STAT3: variants seen among roughly 807,000 people sequenced by gnomAD.
The protein encoded by STAT3 is DNA-binding protein APRF.
STAT3 carries 7 observed loss-of-function variants against 114.3 expected under a neutral mutation model. The ratio of observed to expected loss-of-function variants is 0.06; its 90% CI spans 0.03 to 0.11. The LOEUF (loss-of-function observed/expected upper bound fraction) is 0.11. Among genes scored for constraint, STAT3 ranks in the 10% least tolerant of loss-of-function variants. STAT3 has a pLI of 1.00. For missense variants in STAT3, 364 were observed against 960.9 expected, an observed-to-expected ratio of 0.38 and a Z score of 8.21; for synonymous variants, 331 against 354.5, an observed-to-expected ratio of 0.93 and a Z score of 0.74.
chr17:42,333,954 A>G lies in STAT3; in HGVS notation c.893T>C (p.Ile298Thr). ...QQKVSYKGDP[I>T]VQHRPMLEER... ...CTCCAGCATCGGCCGGTGCTGTACA[A>G]TGGGGTCCCCTTTGTAGGAAACTTT... The change falls in exon 9 of 24, where the codon ATT becomes ACT. Residue 298 changes from isoleucine (I) to threonine (T), a missense_variant. Ile to Thr is a moderately conservative substitution (Grantham distance 89). This residue lies in a region of STAT3 where 294 missense variants were observed against 745.1 expected (regional missense o/e 0.39). Transcript: ENST00000264657. This position sits in a 1 kb window ranked among gnomAD's most constrained non-coding sequence, Gnocchi z 5.2. 1 of 1,614,124 alleles carries G rather than the reference A, an allele frequency of 6.2e-7. No individual in the cohort carries two copies. Among genetic ancestry groups the G allele is most frequent in the Non-Finnish European group, 8.5e-7 (1 of 1,180,010 alleles).
chr17:42,381,086 A>G (rs1213200069), intron 1 of STAT3, among the ~76,000 whole-genome samples: 1 of 152,182 alleles, frequency 6.6e-6, no homozygotes, highest in Non-Finnish European at 1.5e-5. Flanking sequence ...AAGTGAAAAC[A>G]ACAGGCCCAA....
intron 17 of STAT3, 22 bp from the exon 18 acceptor site, chr17:42,323,647 A>C (rs1475486191): frequency 6.2e-7 from 1 of 1,613,052 alleles, no homozygotes; most frequent in East Asian, 2.2e-5. Flanking sequence ...AAAAAGAGTC[A>C]AGTAGTACAT....
intron 1 of STAT3, among the ~76,000 whole-genome samples, chr17:42,386,196 G>A (rs1020256108): frequency 1.7e-4 from 25 of 150,648 alleles, no homozygotes; most frequent in African/African-American, 5.4e-4. Context: ...CAGGAGAATC[G>A]CTTGAACCCA....
At chr17:42,386,717 T>G (rs1027265000) in intron 1 of STAT3, among the ~76,000 whole-genome samples, 4 of 152,198 alleles carry the variant, frequency 2.6e-5, no homozygotes, top group Non-Finnish European at 4.4e-5. Flanking sequence ...TCTAAGTGAT[T>G]ATTCTTCTCA....
chr17:42,350,770 C>T (rs1340724690), intron 1 of STAT3, among the ~76,000 whole-genome samples: 1 of 152,184 alleles, frequency 6.6e-6, no homozygotes, highest in African/African-American at 2.4e-5. Context: ...TAATCTAAGG[C>T]AGCAGCATCC....
At chr17:42,343,459 T>C (rs979421751) in intron 4 of STAT3, among the ~76,000 whole-genome samples, 10 of 144,802 alleles carry the variant, frequency 6.9e-5, no homozygotes, top group East Asian at 2.0e-4. Flanking sequence ...ATCTTTCTTT[T>C]TTTTTTTTTT....
chr17:42,343,317 C>CTTT (rs2082534049), intron 4 of STAT3, among the ~76,000 whole-genome samples: 1 of 151,840 alleles, frequency 6.6e-6, no homozygotes, highest in Admixed American at 6.6e-5. Flanking sequence ...GGTAAAACCC[C>CTTT]TCACAGAAAG....
At chr17:42,362,072 G>A (rs1451216293) in intron 1 of STAT3, among the ~76,000 whole-genome samples, 1 of 152,216 alleles carries the variant, frequency 6.6e-6, no homozygotes, top group Non-Finnish European at 1.5e-5. Flanking sequence ...TTGGTATTCA[G>A]ATGGCGGTCA....
At chr17:42,330,802 G>A (rs550380877) in intron 11 of STAT3, among the ~76,000 whole-genome samples, 13 of 152,006 alleles carry the variant, frequency 8.6e-5, no homozygotes, top group Non-Finnish European at 1.3e-4. Flanking sequence ...GAAATTTTGC[G>A]TATTCCATTA....
At chr17:42,374,035 A>G (rs1242804064) in intron 1 of STAT3, 1 of 152,200 alleles carries the variant, frequency 6.6e-6, no homozygotes, top group Non-Finnish European at 1.5e-5. Flanking sequence ...CAAAATGTAT[A>G]ATGTACTTAG....
At chr17:42,350,536 C>T (rs35729990) in intron 1 of STAT3, among the ~76,000 whole-genome samples, 3 of 152,150 alleles carry the variant, frequency 2.0e-5, no homozygotes, top group Non-Finnish European at 4.4e-5. Context: ...ATCCTCCTGC[C>T]TCAACCTCCC....
chr17:42,360,195 G>GT (rs940353370), intron 1 of STAT3, among the ~76,000 whole-genome samples: 14 of 151,572 alleles, frequency 9.2e-5, no homozygotes, highest in African/African-American at 1.9e-4. Context: ...TAGGAGTCTT[G>GT]TTTTTTCTTT....
chr17:42,331,461 G>C lies in STAT3; in HGVS notation c.1109+11C>G. The C allele has an allele frequency of 2.5e-6, 4 of 1,609,274 alleles. No homozygotes were observed. The highest frequency in any genetic ancestry group is 3.4e-6 in the Non-Finnish European group (4 of 1,175,918). On this transcript the variant is annotated intron_variant, in intron 11 of 23. Transcript: ENST00000264657. ...TCATTTGAAAAACAGAGCTAAGATA[G>C]GAGTACTTACTTGTCAATGCACACT...
At chr17:42,335,062 G>A (rs1393239484) in intron 8 of STAT3, among the ~76,000 whole-genome samples, 2 of 152,104 alleles carry the variant, frequency 1.3e-5, no homozygotes, top group South Asian at 2.1e-4. Flanking sequence ...TCACCATCAT[G>A]GGCCTTAGCA....
Position 42,348,439 on chromosome 17 carries a change from G to A in STAT3, c.78C>T (p.Phe26=). The A allele has an allele frequency of 6.2e-7, 1 of 1,614,136 alleles. No individual in the cohort carries two copies. The highest frequency in any genetic ancestry group is 8.5e-7 in the Non-Finnish European group (1 of 1,180,032). ...CCAGAAACTGCCGCAGCTCCATTGG[G>A]AAGCTGTCACTGTAGAGCTGATGGA... The part of the protein sequence containing the change: ...EQLHQLYSDS[F]PMELRQFLAP... Residue 26 remains phenylalanine, a synonymous_variant, in exon 2 of 24, where the codon TTC becomes TTT. Coordinates refer to ENST00000264657, the MANE Select transcript of STAT3 (RefSeq NM_139276.3).
rs1347421649 is a variant in STAT3 at position 42,315,558 on chromosome 17, A to G, written c.*187T>C. 1.5e-6 allele frequency: 1 copy of G among 652,682 alleles called. No homozygotes were observed. The highest frequency in any genetic ancestry group is 2.7e-6 in the Non-Finnish European group (1 of 364,232). 40.4% of individuals were successfully genotyped at this position (652,682 alleles called of 1,614,324 possible). A position where few individuals can be genotyped will look rare whatever the true frequency, so the allele number is the denominator to read the frequency against. ...ATTTAGATAAAAGCAGATCACCCAC[A>G]TTCACTCATTTCTCTATTTTTAAAA... On this transcript the variant is annotated 3_prime_UTR_variant, in exon 24 of 24. Transcript: ENST00000264657.
chr17:42,356,642 G>C (rs1171304143), intron 1 of STAT3, among the ~76,000 whole-genome samples: 1 of 151,100 alleles, frequency 6.6e-6, no homozygotes, highest in Non-Finnish European at 1.5e-5. Context: ...TATTGTGTTT[G>C]TTTGTTTGTT....
intron 1 of STAT3, among the ~76,000 whole-genome samples, chr17:42,361,297 A>T (rs1230080141): frequency 3.3e-5 from 5 of 152,060 alleles, no homozygotes; most frequent in African/African-American, 1.2e-4. Flanking sequence ...CCTGACCAAC[A>T]CTGTGAAAGC....
rs2081211593 is a variant in STAT3, at chr17:42,315,443, AAAC to A, written c.*299_*301del. 2 of 527,360 alleles carry A rather than the reference AAAC, an allele frequency of 3.8e-6. No homozygotes were observed. Among genetic ancestry groups the A allele is most frequent in the South Asian group, 2.1e-5 (1 of 47,916 alleles). The allele number at this position is 527,360 out of a possible 1,614,324, so 32.7% of individuals were successfully genotyped here. Reference sequence around the variant, plus strand: ...GCTGAGAAAGGAGGGCAGGGGAACAAAACAACACAAGACATTTCCTTTTTCTCC... The same window carrying A: ...GCTGAGAAAGGAGGGCAGGGGAACAAAACACAAGACATTTCCTTTTTCTCC... On this transcript the variant is annotated 3_prime_UTR_variant, in exon 24 of 24. Coordinates refer to ENST00000264657, the MANE Select transcript of STAT3 (RefSeq NM_139276.3).
Sources: allele counts gnomAD v4.1 joint callset (sites outside exome capture counted in the v4.1 genomes callset), GRCh38; gene constraint gnomAD v4.1.1; regional missense constraint gnomAD v4.1.1; non-coding constraint Gnocchi (gnomAD v3.1); transcripts MANE v1.5; gene names NCBI Gene and HGNC (gene_info 2026-07-23, HGNC 2026-07-21).